The following NBPF15 variants were observed in gnomAD, a reference collection of about 807,000 sequenced individuals.
NBPF15 encodes NBPF member 15.
NBPF15 carries 74 observed loss-of-function variants against 62.2 expected under a neutral mutation model. The ratio of observed to expected loss-of-function variants is 1.19; its 90% CI spans 0.99 to 1.44. NBPF15 has a LOEUF of 1.44. NBPF15 is among the 40% of genes most tolerant of loss of function. NBPF15 has a pLI of 0.00. For synonymous variants in NBPF15, 244 were observed against 209.7 expected (o/e 1.16, Z -1.41); for missense variants, 790 against 550.0 (o/e 1.44, Z -4.36).
chr1:144,440,358 C>T, intron 6 of NBPF15, 63 bp from the exon 7 acceptor site: 1 of 946,238 alleles, frequency 1.1e-6, no homozygotes, highest in Non-Finnish European at 1.5e-6. Context: ...GCCCTGCATT[C>T]CAATTGCCCA....
chr1:144,447,535 A>T (rs1351496923), intron 6 of NBPF15, among the ~76,000 whole-genome samples: 1 of 151,802 alleles, frequency 6.6e-6, no homozygotes, highest in Non-Finnish European at 1.5e-5. Context: ...GGAGCCAGGG[A>T]TGCATTCTAG....
At chr1:144,452,840 CAAGGA>C (rs1349896455) in intron 4 of NBPF15, among the ~76,000 whole-genome samples, 2 of 150,174 alleles carry the variant, frequency 1.3e-5, no homozygotes, top group Non-Finnish European at 3.0e-5. Context: ...GGCTAACACA[CAAGGA>C]GTCACAGCTC....
chr1:144,436,195 A>C (rs1443471302), intron 10 of NBPF15, among the ~76,000 whole-genome samples: 23 of 152,024 alleles, frequency 1.5e-4, no homozygotes, highest in Admixed American at 1.4e-3. Context: ...GTCCCGTCAC[A>C]GTTTGCATTT....
intron 21 of NBPF15, 75 bp from the exon 22 acceptor site, chr1:144,423,331 T>A (rs1242714274): frequency 5.0e-6 from 8 of 1,608,928 alleles, no homozygotes; most frequent in Non-Finnish European, 6.8e-6. Context: ...ATTTCAGAAG[T>A]AATATAAGGA....
In NBPF15 at chr1:144,437,403, CCTCA is replaced by C. The variant is rs587613586; in HGVS notation, c.279-298_279-295del. Among the ~76,000 whole-genome samples, 603 of 147,924 alleles carry C rather than the reference CCTCA, an allele frequency of 4.1e-3. 1 individual carries two copies. Among genetic ancestry groups the C allele is most frequent in the African/African-American group, 0.015 (586 of 40,216 alleles). The stretch of plus-strand genomic sequence containing the variant: ...GTTTCAAAAAGACATCCTTTCAGTT[CCTCA>C]CTCTGGCCATGGACATTTCCATGTG... On this transcript the variant is annotated intron_variant, in intron 9 of 21. Transcript: ENST00000581897.
At chr1:144,453,638 C>CAAAAA (rs200525708) in intron 4 of NBPF15, among the ~76,000 whole-genome samples, 60 of 36,268 alleles carry the variant, frequency 1.7e-3, no homozygotes, top group Admixed American at 3.7e-3. Flanking sequence ...CAACACAAAG[C>CAAAAA]AAAAAAAAAA....
chr1:144,446,007 C>A (rs1687285135), intron 6 of NBPF15, among the ~76,000 whole-genome samples: 1 of 147,410 alleles, frequency 6.8e-6, no homozygotes, highest in Non-Finnish European at 1.5e-5. Flanking sequence ...AGGCACATGC[C>A]ACCATGCCTA....
intron 3 of NBPF15, among the ~76,000 whole-genome samples, chr1:144,459,002 G>A (rs587757219): frequency 1.3e-4 from 19 of 150,792 alleles, no homozygotes; most frequent in South Asian, 8.4e-4. Context: ...ATCCTGCCAC[G>A]GCACTCTAGC....
At chr1:144,445,709 C>G (rs1354258791) in intron 6 of NBPF15, among the ~76,000 whole-genome samples, 1 of 151,450 alleles carries the variant, frequency 6.6e-6, no homozygotes, top group Admixed American at 6.6e-5. Context: ...GATCAATTTA[C>G]GAAGAACTGA....
intron 4 of NBPF15, among the ~76,000 whole-genome samples, chr1:144,453,458 T>C (rs1292208593): frequency 6.6e-6 from 1 of 150,952 alleles, no homozygotes; most frequent in Admixed American, 6.6e-5. Flanking sequence ...CACAATCTAC[T>C]AATGAAAAAA....
Position 144,422,749 on chromosome 1 carries a change from T to A in NBPF15, c.*264A>T. ...GAGGAATTTTGTAGCTACCCAGAGA[T>A]ACGTGGTTCAAATTAAAATGTCTGA... is the stretch of plus-strand genomic sequence containing the variant. On this transcript the variant is annotated 3_prime_UTR_variant, in exon 22 of 22. Coordinates refer to ENST00000581897, the MANE Select transcript of NBPF15 (RefSeq NM_001385408.1). 5.4e-6 allele frequency: 4 copies of A among 738,386 alleles called. No individual in the cohort carries two copies. The highest frequency in any genetic ancestry group is 6.4e-6 in the Non-Finnish European group (3 of 467,880). The allele number at this position is 738,386 out of a possible 1,614,324, so 45.7% of individuals were successfully genotyped here. A position where few individuals can be genotyped will look rare whatever the true frequency, so the allele number is the denominator to read the frequency against.
At chr1:144,455,723 C>T (rs1181219036) in intron 4 of NBPF15, among the ~76,000 whole-genome samples, 43 of 151,916 alleles carry the variant, frequency 2.8e-4, no homozygotes, top group Admixed American at 1.6e-3. Context: ...ACCTGGTGGA[C>T]GGCCACGTGA....
chr1:144,443,213 G>C (rs2102373465), intron 6 of NBPF15, among the ~76,000 whole-genome samples: 1 of 151,754 alleles, frequency 6.6e-6, no homozygotes, highest in Non-Finnish European at 1.5e-5. Context: ...TTTTTGTTTT[G>C]ATGGATTTTT....
At chr1:144,427,136 G>T (rs1180196651) in intron 16 of NBPF15, 38 bp from the exon 17 acceptor site, 2 of 559,562 alleles carry the variant, frequency 3.6e-6, no homozygotes, top group African/African-American at 2.2e-5. Flanking sequence ...ATATTAAGCT[G>T]GTTCTCCTAC....
Position 144,426,291 on chromosome 1 carries a change from A to G in NBPF15, c.1425T>C (p.Ala475=). ...YSLEEQYLGL[A]LDVDRIKKDQ... is the part of the protein sequence containing the mutation. ...TAAGGTACTCACTGTCCACGTCAAG[A>G]GCCAAGCCAAGGTACTGTTCCTCCA... Residue 475 remains alanine, a synonymous_variant, in exon 18 of 22, where the codon GCT becomes GCC. Coordinates refer to ENST00000581897, the MANE Select transcript of NBPF15 (RefSeq NM_001385408.1). The G allele has an allele frequency of 4.8e-6, 3 of 619,958 alleles. No individual in the cohort carries two copies. The highest frequency in any genetic ancestry group is 6.1e-5 in the Admixed American group (2 of 32,960). 38.4% of individuals were successfully genotyped at this position (619,958 alleles called of 1,614,324 possible).
chr1:144,448,321 A>G lies in NBPF15; in HGVS notation c.-191+454T>C, dbSNP rs1408861045. Among the ~76,000 whole-genome samples, 12 of 152,138 alleles carry G rather than the reference A, an allele frequency of 7.9e-5. No individual in the cohort carries two copies. In the East Asian group the frequency reaches 2.1e-3, roughly 27 times the overall value. Reference sequence around the variant, plus strand: ...CATGTATCCTAAGGCGTCCAGTTGAAAAACCTTTGTCTACTGTGTCCAGAC... The same window carrying G: ...CATGTATCCTAAGGCGTCCAGTTGAGAAACCTTTGTCTACTGTGTCCAGAC... On this transcript the variant is annotated intron_variant, in intron 6 of 21. Coordinates refer to ENST00000581897, the MANE Select transcript of NBPF15 (RefSeq NM_001385408.1).
chr1:144,442,370 A>T lies in NBPF15; in HGVS notation c.-190-2075T>A, dbSNP rs868906628. On this transcript the variant is annotated intron_variant, in intron 6 of 21. Coordinates refer to ENST00000581897, the MANE Select transcript of NBPF15 (RefSeq NM_001385408.1). ...TATATATATACACATATATACATGT[A>T]TACATGTATATATATTATACAATAT... Among the ~76,000 whole-genome samples, 707 of 137,908 alleles carry T rather than the reference A, an allele frequency of 5.1e-3. 16 individuals are homozygous for T. Among genetic ancestry groups the T allele is most frequent in the Middle Eastern group, 0.016 (4 of 258 alleles). 90.5% of individuals were successfully genotyped at this position (137,908 alleles called of 152,430 possible).
At chr1:144,457,947 C>T (rs1477085812) in intron 3 of NBPF15, among the ~76,000 whole-genome samples, 1 of 151,880 alleles carries the variant, frequency 6.6e-6, no homozygotes, top group South Asian at 2.1e-4. Context: ...ATTAGCCGGG[C>T]ATAGTGGTGC....
rs1451031897 is a variant in NBPF15 at position 144,445,874 on chromosome 1, T to C, written c.-191+2901A>G. Among the ~76,000 whole-genome samples the C allele has an allele frequency of 1.4e-4, 19 of 135,690 alleles. No individual in the cohort carries two copies. In the South Asian group the frequency reaches 4.3e-3, roughly 31 times the overall value. The allele number at this position is 135,690 out of a possible 152,430, so 89.0% of individuals were successfully genotyped here. On this transcript the variant is annotated intron_variant, in intron 6 of 21. Transcript: ENST00000581897. ...TTTCCTTTTTTTTTTTTTTTTTTTT[T>C]GAAACAGAGTCTTGCTCTGTTACCC...
Sources: gnomAD v4.1 joint callset for allele counts (sites outside exome capture counted in the v4.1 genomes callset) on GRCh38, gnomAD v4.1.1 for gene constraint, MANE v1.5 for transcripts, NCBI Gene and HGNC (gene_info 2026-07-23, HGNC 2026-07-21) for gene names.